Variants in DPH6 observed in about 807,000 individuals in gnomAD.
DPH6 encodes diphthamine biosynthesis 6.
A neutral mutation model predicts 38.2 loss-of-function variants in DPH6; 33 were observed. The ratio of observed to expected loss-of-function variants is 0.86; its 90% CI spans 0.65 to 1.15. The LOEUF (loss-of-function observed/expected upper bound fraction) is 1.15, where lower values mean the gene tolerates loss of function less well. DPH6 is among the 50% of genes most tolerant of loss of function. The probability of loss-of-function intolerance (pLI) is 0.00; values close to 1 mark genes in which losing one functional copy is unlikely to be tolerated. For synonymous variants in DPH6, 108 were observed against 103.0 expected (o/e 1.05, Z -0.30); for missense variants, 325 against 320.0 (o/e 1.02, Z -0.12).
At chr15:35,505,995 T>C (rs958504996) in intron 3 of DPH6, among the ~76,000 whole-genome samples, 3 of 152,102 alleles carry the variant, frequency 2.0e-5, no homozygotes, top group Non-Finnish European at 4.4e-5. Flanking sequence ...CATTGCAAAG[T>C]TTGACACTGC....
At chr15:35,459,298 G>C (rs1179821506) in intron 3 of DPH6, among the ~76,000 whole-genome samples, 1 of 152,116 alleles carries the variant, frequency 6.6e-6, no homozygotes, top group African/African-American at 2.4e-5. Context: ...TGGTTCCAGG[G>C]GTGGCAGGGA....
At chr15:35,339,649 C>T (rs1043088195) in intron 3 of DPH6, among the ~76,000 whole-genome samples, 1 of 152,064 alleles carries the variant, frequency 6.6e-6, no homozygotes, top group Non-Finnish European at 1.5e-5. Context: ...ATCCAAGAGT[C>T]ATTCAGGAGC....
intron 3 of DPH6, among the ~76,000 whole-genome samples, chr15:35,337,634 C>T (rs888739252): frequency 3.3e-5 from 5 of 152,112 alleles, no homozygotes; most frequent in Admixed American, 6.5e-5. Context: ...TCAATGCCAT[C>T]CCCATCAAGC....
intron 3 of DPH6, among the ~76,000 whole-genome samples, chr15:35,462,483 T>C (rs1010024631): frequency 2.6e-5 from 4 of 152,218 alleles, no homozygotes; most frequent in Non-Finnish European, 4.4e-5. Flanking sequence ...ACTGCAGTCC[T>C]TACTGCTCCT....
At chr15:35,407,896 T>C (rs898271625) in intron 6 of DPH6, among the ~76,000 whole-genome samples, 1 of 152,006 alleles carries the variant, frequency 6.6e-6, no homozygotes, top group African/African-American at 2.4e-5. Context: ...TTGGATGTTA[T>C]TCTAATTGCA....
At chr15:35,532,506 GA>G (rs1413427708) in intron 3 of DPH6, among the ~76,000 whole-genome samples, 4 of 152,052 alleles carry the variant, frequency 2.6e-5, no homozygotes. Flanking sequence ...AAGGGACTGA[GA>G]AAAAATGGAA....
intron 1 of DPH6, 83 bp downstream of exon 1, chr15:35,546,036 A>T: frequency 8.3e-7 from 1 of 1,211,876 alleles, no homozygotes; most frequent in Non-Finnish European, 1.1e-6. Context: ...AGACGGAGAC[A>T]CCCACTCTTT....
At chr15:35,356,451 A>G (rs1158869710) in intron 3 of DPH6, among the ~76,000 whole-genome samples, 4 of 152,148 alleles carry the variant, frequency 2.6e-5, no homozygotes, top group Admixed American at 6.5e-5. Context: ...TGACGTACAG[A>G]TGGGTTTTTG....
At chr15:35,287,764 TC>T (rs1439188932) in intron 3 of DPH6, among the ~76,000 whole-genome samples, 1 of 152,188 alleles carries the variant, frequency 6.6e-6, no homozygotes, top group Non-Finnish European at 1.5e-5. Context: ...TGTTCAACTG[TC>T]ATAAAAGATC....
chr15:35,369,923 G>A (rs981976502), downstream of DPH6, among the ~76,000 whole-genome samples: 4 of 151,622 alleles, frequency 2.6e-5, no homozygotes, highest in Admixed American at 6.6e-5. Flanking sequence ...AATACAATAC[G>A]GAAGAAGAAA....
the DPH6 span, among the ~76,000 whole-genome samples, chr15:35,173,090 T>C: frequency 6.6e-6 from 1 of 152,370 alleles, no homozygotes. Context: ...TTAGTTGTAA[T>C]GGACTTAGTC....
chr15:35,336,105 C>A (rs1012999763), intron 3 of DPH6, among the ~76,000 whole-genome samples: 3 of 152,066 alleles, frequency 2.0e-5, no homozygotes, highest in Non-Finnish European at 4.4e-5. Flanking sequence ...CCCTTGCTAG[C>A]TGTATTTCTA....
chr15:35,241,476 A>T (rs961245010), intron 3 of DPH6, among the ~76,000 whole-genome samples: 1 of 143,100 alleles, frequency 7.0e-6, no homozygotes, highest in Non-Finnish European at 1.5e-5. Context: ...GCCAACTTAG[A>T]CAACACTCTT....
chr15:35,466,983 C>T (rs2054134575), intron 3 of DPH6, among the ~76,000 whole-genome samples: 1 of 151,952 alleles, frequency 6.6e-6, no homozygotes, highest in African/African-American at 2.4e-5. Context: ...AATACAAAGG[C>T]CTAGGACATT....
chr15:35,244,666 G>T (rs1220833113), intron 3 of DPH6, among the ~76,000 whole-genome samples: 3 of 152,178 alleles, frequency 2.0e-5, no homozygotes, highest in Admixed American at 6.5e-5. Context: ...ATTTTTTCAA[G>T]AGTTTCTTTT....
intron 2 of DPH6, among the ~76,000 whole-genome samples, chr15:35,541,718 A>G (rs566005185): frequency 4.6e-5 from 7 of 152,304 alleles, no homozygotes; most frequent in South Asian, 2.1e-4. Flanking sequence ...TTAGCAGTTA[A>G]TATCTGTAGT....
chr15:35,436,408 A>G (rs145449887), intron 5 of DPH6, among the ~76,000 whole-genome samples: 2,176 of 151,388 alleles, frequency 0.014, 26 homozygotes, highest in East Asian at 0.044. Context: ...GGAGCTTGCA[A>G]TGAGCCGAGA....
intron 3 of DPH6, among the ~76,000 whole-genome samples, chr15:35,498,230 T>G (rs933065311): frequency 1.3e-5 from 2 of 152,182 alleles, no homozygotes; most frequent in Non-Finnish European, 2.9e-5. Flanking sequence ...AAAGGCTTGC[T>G]GTGAAACAGA....
chr15:35,323,250 T>C (rs761802561), intron 3 of DPH6, among the ~76,000 whole-genome samples: 1 of 152,182 alleles, frequency 6.6e-6, no homozygotes, highest in African/African-American at 2.4e-5. Context: ...GCTTTAGACA[T>C]GTCACTTTTC....
Sources: allele counts gnomAD v4.1 joint callset (sites outside exome capture counted in the v4.1 genomes callset), GRCh38; gene constraint gnomAD v4.1.1; transcripts MANE v1.5; gene names NCBI Gene and HGNC (gene_info 2026-07-23, HGNC 2026-07-21).